FAM227B: variants seen among roughly 807,000 people sequenced by gnomAD.
The protein encoded by FAM227B is family with sequence similarity 227 member B.
FAM227B carries 88 observed loss-of-function variants against 73.8 expected under a neutral mutation model. The observed-to-expected ratio is 1.19, with a 90% CI of 1.00 to 1.42. The LOEUF is 1.42. Among genes scored for constraint, FAM227B ranks in the 40% most tolerant of loss-of-function variants. The pLI is 0.00. For missense variants in FAM227B, 632 were observed against 590.9 expected, an observed-to-expected ratio of 1.07 and a Z score of -0.72; for synonymous variants, 210 against 190.5, an observed-to-expected ratio of 1.10 and a Z score of -0.84.
intron 11 of FAM227B, among the ~76,000 whole-genome samples, chr15:49,394,647 T>C (rs2047446059): frequency 6.6e-6 from 1 of 152,154 alleles, no homozygotes; most frequent in African/African-American, 2.4e-5. Context: ...GGTTTGCGGC[T>C]TTTTCAGTGA....
intron 13 of FAM227B, among the ~76,000 whole-genome samples, chr15:49,349,949 A>G (rs373996657): frequency 6.6e-6 from 1 of 152,292 alleles, no homozygotes; most frequent in East Asian, 1.9e-4. Context: ...GAATTTAAGA[A>G]TTTAGATGGG....
At chr15:49,437,603 T>G (rs771677611) in intron 11 of FAM227B, among the ~76,000 whole-genome samples, 16 of 151,742 alleles carry the variant, frequency 1.1e-4, no homozygotes, top group Non-Finnish European at 2.2e-4. Flanking sequence ...ATTTGTGACC[T>G]GATTAACTTT....
intron 8 of FAM227B, among the ~76,000 whole-genome samples, chr15:49,570,952 A>T (rs1221940558): frequency 6.7e-6 from 1 of 148,764 alleles, no homozygotes; most frequent in Admixed American, 6.8e-5. Context: ...ATAATTATAT[A>T]CCAAATCTTC....
chr15:49,556,350 T>A (rs1389568134), intron 9 of FAM227B, among the ~76,000 whole-genome samples: 1 of 152,208 alleles, frequency 6.6e-6, no homozygotes, highest in Non-Finnish European at 1.5e-5. Context: ...ACAGCTCAGC[T>A]CAGCACTCCT....
chr15:49,531,874 C>A (rs1445315195), intron 10 of FAM227B, among the ~76,000 whole-genome samples: 1 of 151,660 alleles, frequency 6.6e-6, no homozygotes, highest in African/African-American at 2.4e-5. Flanking sequence ...CATTATTGTA[C>A]ATTGTTGTTG....
At chr15:49,581,819 A>G (rs2075830594) in intron 5 of FAM227B, among the ~76,000 whole-genome samples, 1 of 152,214 alleles carries the variant, frequency 6.6e-6, no homozygotes, top group African/African-American at 2.4e-5. Context: ...CCACCAGAGA[A>G]ACATATTTAA....
chr15:49,372,682 C>A (rs1199962770), intron 11 of FAM227B, among the ~76,000 whole-genome samples: 2 of 152,088 alleles, frequency 1.3e-5, no homozygotes, highest in African/African-American at 4.8e-5. Context: ...AGCCTAAAAG[C>A]AGAAGCTAGG....
chr15:49,480,461 C>A (rs2055831237), intron 11 of FAM227B, among the ~76,000 whole-genome samples: 1 of 148,538 alleles, frequency 6.7e-6, no homozygotes, highest in African/African-American at 2.5e-5. Flanking sequence ...GAATGCACCA[C>A]CATGCCCAAC....
intron 3 of FAM227B, among the ~76,000 whole-genome samples, chr15:49,599,953 A>G (rs1433863317): frequency 6.6e-6 from 1 of 152,074 alleles, no homozygotes; most frequent in East Asian, 1.9e-4. Context: ...CAAGTCCTCT[A>G]TTTCCATATT....
At position 49,472,442 on chromosome 15, in the gene FAM227B, A is replaced by G. The variant is rs115138626; in HGVS notation, c.1012+35769T>C. Among the ~76,000 whole-genome samples the G allele has an allele frequency of 8.6e-3, 1,313 of 152,350 alleles. 32 individuals carry two copies. The highest frequency in any genetic ancestry group is 0.067 in the South Asian group (324 of 4,830). On this transcript the variant is annotated intron_variant, in intron 11 of 15. Coordinates refer to ENST00000299338, the MANE Select transcript of FAM227B (RefSeq NM_152647.3). ...TTATGGAAGACTTTTGGAAGTTGCC[A>G]TAGGACACTTCAGTTAAATCGCATC...
chr15:49,367,301 G>A, intron 13 of FAM227B, 147 bp downstream of exon 13: 1 of 672,834 alleles, frequency 1.5e-6, no homozygotes, highest in Non-Finnish European at 2.2e-6. Flanking sequence ...TACTACCAAA[G>A]TTTTAAGCAT....
intron 11 of FAM227B, among the ~76,000 whole-genome samples, chr15:49,391,203 C>A (rs1242734519): frequency 6.6e-6 from 1 of 152,072 alleles, no homozygotes; most frequent in Non-Finnish European, 1.5e-5. Context: ...ATTTCTCCAG[C>A]CTAAATCAGC....
At chr15:49,575,251 C>T in intron 7 of FAM227B, 142 bp from the exon 8 acceptor site, 2 of 403,320 alleles carry the variant, frequency 5.0e-6, no homozygotes, top group Non-Finnish European at 4.5e-6. Context: ...GAGCCACATA[C>T]ATAATGTTAA....
intron 8 of FAM227B, among the ~76,000 whole-genome samples, chr15:49,569,103 T>TA (rs1331606658): frequency 6.6e-6 from 1 of 151,980 alleles, no homozygotes; most frequent in Admixed American, 6.6e-5. Flanking sequence ...TCCATCTTGT[T>TA]AGATTGTATG....
At chr15:49,444,526 G>A (rs1331657978) in intron 11 of FAM227B, among the ~76,000 whole-genome samples, 3 of 151,800 alleles carry the variant, frequency 2.0e-5, no homozygotes, top group Non-Finnish European at 3.0e-5. Context: ...ATTGTAGTAC[G>A]TGGGTCTAAT....
intron 11 of FAM227B, among the ~76,000 whole-genome samples, chr15:49,491,070 TTA>T (rs1413889209): frequency 1.3e-5 from 2 of 152,062 alleles, no homozygotes; most frequent in East Asian, 3.9e-4. Context: ...TACTCAAAAT[TTA>T]GTCAGCTCTT....
At chr15:49,354,582 G>T (rs529165349) in intron 13 of FAM227B, among the ~76,000 whole-genome samples, 1 of 152,202 alleles carries the variant, frequency 6.6e-6, no homozygotes, top group Non-Finnish European at 1.5e-5. Context: ...CCCGCACCTG[G>T]CTGGAAGGGT....
intron 11 of FAM227B, among the ~76,000 whole-genome samples, chr15:49,427,477 C>T (rs2050225506): frequency 6.6e-6 from 1 of 151,936 alleles, no homozygotes; most frequent in African/African-American, 2.4e-5. Flanking sequence ...ATTTTTTCAA[C>T]AGGTTGTCAT....
At chr15:49,490,124 A>T (rs2056958180) in intron 11 of FAM227B, among the ~76,000 whole-genome samples, 1 of 151,542 alleles carries the variant, frequency 6.6e-6, no homozygotes, top group Non-Finnish European at 1.5e-5. Context: ...CTGCTTCTTC[A>T]TCTTTGTCCC....
Sources: gnomAD v4.1 joint callset for allele counts (sites outside exome capture counted in the v4.1 genomes callset) on GRCh38, gnomAD v4.1.1 for gene constraint, MANE v1.5 for transcripts, NCBI Gene and HGNC (gene_info 2026-07-23, HGNC 2026-07-21) for gene names.